The following EXOC2 variants were observed in gnomAD, a reference collection of about 807,000 sequenced individuals.
EXOC2 encodes SEC5-like 1.
Under a neutral mutation model 131.8 loss-of-function variants are expected in EXOC2, and 70 were observed. That is an observed-to-expected ratio of 0.53 (90% CI 0.44 to 0.65). EXOC2 has a LOEUF of 0.65. EXOC2 is among the 30% of genes least tolerant of loss of function. The pLI is 0.00. For synonymous variants in EXOC2, 411 were observed against 398.4 expected, an observed-to-expected ratio of 1.03 and a Z score of -0.38; for missense variants, 923 against 1,108.6, an observed-to-expected ratio of 0.83 and a Z score of 2.38.
chr6:509,322 A>T (rs1454629139), intron 23 of EXOC2, among the ~76,000 whole-genome samples: 1 of 152,214 alleles, frequency 6.6e-6, no homozygotes, highest in East Asian at 1.9e-4. Context: ...ATATCTTCCC[A>T]GAAGTGGAAT....
chr6:535,997 A>T (rs761144538), intron 22 of EXOC2, among the ~76,000 whole-genome samples: 2 of 152,228 alleles, frequency 1.3e-5, no homozygotes, highest in African/African-American at 2.4e-5. Context: ...AATTCAATAT[A>T]CTTTCATGAC....
At chr6:555,168 G>T in intron 20 of EXOC2, 59 bp downstream of exon 20, 1 of 995,906 alleles carries the variant, frequency 1.0e-6, no homozygotes, top group South Asian at 2.7e-5. Flanking sequence ...CATAAAACTT[G>T]AGCCTGTATT....
intron 1 of EXOC2, among the ~76,000 whole-genome samples, chr6:692,723 G>A (rs897832996): frequency 6.6e-6 from 1 of 151,978 alleles, no homozygotes; most frequent in African/African-American, 2.4e-5. Context: ...AGCGGGCGGG[G>A]CCTGGAGTCA....
At chr6:689,954 G>A (rs1296258919) in intron 1 of EXOC2, among the ~76,000 whole-genome samples, 1 of 152,194 alleles carries the variant, frequency 6.6e-6, no homozygotes, top group Admixed American at 6.5e-5. Flanking sequence ...ACAGTCCAAA[G>A]CATCTAAGCA....
chr6:647,298 ATTACCG>A (rs1762617299), intron 1 of EXOC2, among the ~76,000 whole-genome samples: 2 of 152,146 alleles, frequency 1.3e-5, no homozygotes, highest in South Asian at 4.2e-4. Flanking sequence ...AATGAAAATA[ATTACCG>A]TTGACATTAA....
chr6:689,004 G>C (rs1444845521), intron 1 of EXOC2: 1 of 152,146 alleles, frequency 6.6e-6, no homozygotes, highest in African/African-American at 2.4e-5. Flanking sequence ...AAACGAAGGG[G>C]CAGCCTTGTG....
chr6:629,165 T>C (rs1761723465), intron 4 of EXOC2, among the ~76,000 whole-genome samples: 1 of 152,252 alleles, frequency 6.6e-6, no homozygotes, highest in African/African-American at 2.4e-5. Context: ...TTTGTCACTT[T>C]TGGTAAGAGT....
At chr6:673,539 A>G (rs1763971624) in intron 1 of EXOC2, among the ~76,000 whole-genome samples, 1 of 152,132 alleles carries the variant, frequency 6.6e-6, no homozygotes, top group Non-Finnish European at 1.5e-5. Context: ...GGTGAGGAGG[A>G]GCGAAAACGT....
At chr6:564,400 G>C (rs1757858516) in intron 15 of EXOC2, 145 bp downstream of exon 15, 3 of 1,227,454 alleles carry the variant, frequency 2.4e-6, no homozygotes, top group Non-Finnish European at 3.4e-6. Context: ...GAGCTTAGCT[G>C]TCAGATGATG....
At chr6:501,193 CTATATATATTATA>C (rs1338919218) in intron 23 of EXOC2, among the ~76,000 whole-genome samples, 1 of 12,406 alleles carries the variant, frequency 8.1e-5, no homozygotes, top group African/African-American at 2.0e-4. Flanking sequence ...TTATATATAT[CTATATATATTATA>C]TATATATTAT....
chr6:599,273 C>A, intron 7 of EXOC2, 48 bp from the exon 8 acceptor site: 2 of 1,496,062 alleles, frequency 1.3e-6, no homozygotes, highest in South Asian at 1.4e-5. Flanking sequence ...TGATTTTAAT[C>A]AGAAAATGTG....
At chr6:523,967 A>G (rs562323336) in intron 23 of EXOC2, among the ~76,000 whole-genome samples, 42 of 152,212 alleles carry the variant, frequency 2.8e-4, no homozygotes, top group Admixed American at 8.5e-4. Context: ...TGGGGTGCAG[A>G]GCTGAACTAA....
At chr6:616,463 C>CTT (rs1761007804) in intron 6 of EXOC2, among the ~76,000 whole-genome samples, 2 of 151,688 alleles carry the variant, frequency 1.3e-5, no homozygotes, top group African/African-American at 4.8e-5. Flanking sequence ...ATTAGCCGGG[C>CTT]GCAGTGGCGG....
chr6:525,018 C>G (rs755986645), intron 23 of EXOC2: 1 of 152,256 alleles, frequency 6.6e-6, no homozygotes, highest in Non-Finnish European at 1.5e-5. Context: ...CCCCTCCAGT[C>G]TGTCGGCTTT....
At chr6:591,372 G>A (rs530663325) in intron 11 of EXOC2, among the ~76,000 whole-genome samples, 6 of 152,092 alleles carry the variant, frequency 3.9e-5, no homozygotes, top group African/African-American at 1.2e-4. Context: ...CCACCTCCAC[G>A]ATCTAAGCTC....
chr6:579,375 T>G (rs149483049), intron 11 of EXOC2, among the ~76,000 whole-genome samples: 1 of 152,206 alleles, frequency 6.6e-6, no homozygotes, highest in Non-Finnish European at 1.5e-5. Context: ...CAGTTTTCTA[T>G]ATCAGGAAAA....
chr6:635,287 A>G (rs1561952782), intron 2 of EXOC2, among the ~76,000 whole-genome samples: 1 of 152,266 alleles, frequency 6.6e-6, no homozygotes, highest in Non-Finnish European at 1.5e-5. Context: ...ACATGTTCAC[A>G]TGAGCAAACC....
At chr6:511,606 C>T (rs905155610) in intron 23 of EXOC2, among the ~76,000 whole-genome samples, 4 of 152,190 alleles carry the variant, frequency 2.6e-5, no homozygotes, top group African/African-American at 4.8e-5. Flanking sequence ...GAGGGCTGCA[C>T]GGGGGCATCT....
chr6:511,633 G>A (rs893458954), intron 23 of EXOC2, among the ~76,000 whole-genome samples: 24 of 152,332 alleles, frequency 1.6e-4, no homozygotes, highest in Non-Finnish European at 2.4e-4. Context: ...AACCCAGCCC[G>A]AGCGGGACAA....
Sources: gnomAD v4.1 joint callset for allele counts (sites outside exome capture counted in the v4.1 genomes callset) on GRCh38, gnomAD v4.1.1 for gene constraint, MANE v1.5 for transcripts, NCBI Gene and HGNC (gene_info 2026-07-23, HGNC 2026-07-21) for gene names.